Variants in CHD1 observed in about 807,000 individuals in gnomAD.
The protein encoded by CHD1 is chromodomain helicase DNA binding protein 1, also known as ATP-dependent chromatin remodeler CHD1.
A neutral mutation model predicts 224.2 loss-of-function variants in CHD1; 36 were observed. The ratio of observed to expected loss-of-function variants is 0.16; its 90% CI spans 0.12 to 0.21. CHD1 has a LOEUF of 0.21. Among genes scored for constraint, CHD1 ranks in the 10% least tolerant of loss-of-function variants. CHD1 has a pLI of 1.00. For missense variants in CHD1, 1,378 were observed against 1,994.8 expected (o/e 0.69, Z 5.89); for synonymous variants, 668 against 658.3 (o/e 1.01, Z -0.23).
At chr5:98,921,318 G>A (rs1022576727) in intron 2 of CHD1, among the ~76,000 whole-genome samples, 1 of 152,220 alleles carries the variant, frequency 6.6e-6, no homozygotes, top group African/African-American at 2.4e-5. Flanking sequence ...GAGGTTCGCA[G>A]AGAATGAAAA....
At chr5:98,857,905 C>T (rs1025612090) in intron 35 of CHD1, among the ~76,000 whole-genome samples, 6 of 151,976 alleles carry the variant, frequency 3.9e-5, no homozygotes, top group East Asian at 1.9e-4. Flanking sequence ...TTCTTCAAAA[C>T]GAACAATGAA....
At chr5:98,900,084 C>A (rs1448428444) in intron 7 of CHD1, among the ~76,000 whole-genome samples, 3 of 151,952 alleles carry the variant, frequency 2.0e-5, no homozygotes, top group Non-Finnish European at 4.4e-5. Context: ...AGATCAAGAC[C>A]ATCCTGGCTA....
At chr5:98,901,554 C>G (rs974171417) in intron 5 of CHD1, among the ~76,000 whole-genome samples, 2 of 151,972 alleles carry the variant, frequency 1.3e-5, no homozygotes, top group Admixed American at 1.3e-4. Flanking sequence ...CTTAGTTATA[C>G]GTCAGTGAAC....
intron 2 of CHD1, among the ~76,000 whole-genome samples, chr5:98,921,238 T>C (rs949226959): frequency 1.3e-5 from 2 of 152,196 alleles, no homozygotes; most frequent in African/African-American, 4.8e-5. Context: ...TCAGTTGCCA[T>C]TGTTACTGCT....
intron 14 of CHD1, 107 bp from the exon 15 acceptor site, chr5:98,892,820 A>G (rs1751105479): frequency 8.3e-6 from 5 of 599,674 alleles, no homozygotes; most frequent in Non-Finnish European, 1.3e-5. Flanking sequence ...AATACTACAG[A>G]TTTTTAGAAA....
intron 2 of CHD1, among the ~76,000 whole-genome samples, chr5:98,908,168 T>A (rs1287619469): frequency 1.3e-5 from 2 of 152,196 alleles, no homozygotes; most frequent in African/African-American, 4.8e-5. Flanking sequence ...AATCCCTAAG[T>A]TCAAGCTATG....
intron 10 of CHD1, among the ~76,000 whole-genome samples, chr5:98,897,988 C>G (rs930768986): frequency 2.6e-5 from 4 of 151,970 alleles, no homozygotes; most frequent in East Asian, 3.8e-4. Flanking sequence ...TGATGCTCAA[C>G]AAGATAAAAG....
At chr5:98,860,875 A>G (rs1303963314) in intron 32 of CHD1, among the ~76,000 whole-genome samples, 1 of 152,192 alleles carries the variant, frequency 6.6e-6, no homozygotes, top group Non-Finnish European at 1.5e-5. Flanking sequence ...GAAGAAGGAA[A>G]ATTCATCTAG....
intron 2 of CHD1, among the ~76,000 whole-genome samples, chr5:98,906,199 T>C (rs1194377568): frequency 6.6e-6 from 1 of 152,184 alleles, no homozygotes; most frequent in African/African-American, 2.4e-5. Flanking sequence ...ATGCTTAAAG[T>C]ATGAATAAGC....
intron 2 of CHD1, 151 bp from the exon 3 acceptor site, chr5:98,905,249 A>T (rs1751968278): frequency 1.2e-6 from 1 of 830,042 alleles, no homozygotes; most frequent in African/African-American, 1.7e-5. Flanking sequence ...GAATTGATTT[A>T]ATCTATAGTA....
At chr5:98,864,844 T>C (rs1181917974) in intron 31 of CHD1, among the ~76,000 whole-genome samples, 1 of 152,208 alleles carries the variant, frequency 6.6e-6, no homozygotes, top group Non-Finnish European at 1.5e-5. Flanking sequence ...ATGTTTCCTA[T>C]TTTTTGTTCA....
At chr5:98,910,251 T>C (rs1435696098) in intron 2 of CHD1, among the ~76,000 whole-genome samples, 1 of 152,182 alleles carries the variant, frequency 6.6e-6, no homozygotes, top group Non-Finnish European at 1.5e-5. Flanking sequence ...TGGCACTATT[T>C]ATTTGCTTTA....
chr5:98,858,484 G>T, intron 34 of CHD1, 94 bp from the exon 35 acceptor site: 2 of 984,510 alleles, frequency 2.0e-6, no homozygotes, highest in Non-Finnish European at 3.1e-6. Flanking sequence ...TTCAACCCTT[G>T]CCAAAACAAA....
chr5:98,927,899 G>A (rs186174930), intron 1 of CHD1, among the ~76,000 whole-genome samples: 172 of 152,270 alleles, frequency 1.1e-3, no homozygotes, highest in Admixed American at 9.6e-3. Context: ...ACAGCGCTGT[G>A]TCCTCTCAAG....
At chr5:98,874,961 C>T (rs773517828) in intron 25 of CHD1, 111 bp downstream of exon 25, 6 of 628,846 alleles carry the variant, frequency 9.5e-6, no homozygotes, top group African/African-American at 3.9e-5. Flanking sequence ...TTGTAAATGC[C>T]GATTAAAAGC....
chr5:98,871,253 A>G (rs1467381402), intron 28 of CHD1, among the ~76,000 whole-genome samples: 1 of 151,552 alleles, frequency 6.6e-6, no homozygotes, highest in East Asian at 1.9e-4. Context: ...TTACAGGGGA[A>G]TCTAGACTAC....
intron 15 of CHD1, among the ~76,000 whole-genome samples, chr5:98,890,671 T>C (rs1750954549): frequency 2.0e-5 from 3 of 152,188 alleles, no homozygotes; most frequent in Admixed American, 1.3e-4. Flanking sequence ...ATAACAAAAT[T>C]AGATAATCGC....
At chr5:98,906,760 T>A (rs928122250) in intron 2 of CHD1, among the ~76,000 whole-genome samples, 12 of 152,190 alleles carry the variant, frequency 7.9e-5, no homozygotes, top group African/African-American at 2.7e-4. Flanking sequence ...TAAAAGAGTA[T>A]CTCTTTCTTT....
intron 23 of CHD1, among the ~76,000 whole-genome samples, chr5:98,878,885 C>T (rs1401897173): frequency 6.6e-6 from 1 of 152,032 alleles, no homozygotes; most frequent in Non-Finnish European, 1.5e-5. Context: ...CATTAAATGC[C>T]GATATTAGAA....
Sources: gnomAD v4.1 joint callset for allele counts (sites outside exome capture counted in the v4.1 genomes callset) on GRCh38, gnomAD v4.1.1 for gene constraint, MANE v1.5 for transcripts, NCBI Gene and HGNC (gene_info 2026-07-23, HGNC 2026-07-21) for gene names.